Variants in TAFA5 observed in about 807,000 individuals in gnomAD.
TAFA5 encodes TAFA chemokine like family member 5, also known as chemokine-like protein TAFA-5.
In TAFA5, 6 loss-of-function variants were observed where a neutral mutation model predicts 15.3. The observed-to-expected ratio is 0.39, with a 90% CI of 0.21 to 0.77. The LOEUF is 0.77. Ranked by LOEUF, TAFA5 falls within the 30% of genes least tolerant of loss-of-function variation. TAFA5 has a pLI of 0.41. For synonymous variants in TAFA5, 103 were observed against 80.7 expected (o/e 1.28, Z -1.48); for missense variants, 161 against 193.1 (o/e 0.83, Z 0.98).
At chr22:48,710,289 A>G (rs999126682) in intron 3 of TAFA5, among the ~76,000 whole-genome samples, 1 of 151,980 alleles carries the variant, frequency 6.6e-6, no homozygotes, top group African/African-American at 2.4e-5. Context: ...CCTGTCCCCA[A>G]CCTGTCAGGC....
intron 2 of TAFA5, among the ~76,000 whole-genome samples, chr22:48,687,588 C>A (rs1001918818): frequency 4.5e-4 from 68 of 152,216 alleles, no homozygotes; most frequent in Middle Eastern, 3.4e-3. Context: ...GAGTTCTCAG[C>A]CTCCGTGTTA....
chr22:48,652,026 C>G (rs909892484), intron 2 of TAFA5, among the ~76,000 whole-genome samples: 6 of 152,200 alleles, frequency 3.9e-5, no homozygotes, highest in Non-Finnish European at 7.3e-5. Flanking sequence ...CCTAGCTGCT[C>G]ATGATGCCCT....
At chr22:48,503,746 T>A (rs1195970252) in intron 1 of TAFA5, among the ~76,000 whole-genome samples, 1 of 152,342 alleles carries the variant, frequency 6.6e-6, no homozygotes, top group East Asian at 1.9e-4. Flanking sequence ...AAAGAAAGTG[T>A]TTTCGAACAC....
intron 1 of TAFA5, among the ~76,000 whole-genome samples, chr22:48,597,445 G>A (rs1411894662): frequency 2.9e-5 from 4 of 137,118 alleles, no homozygotes; most frequent in Non-Finnish European, 6.2e-5. Flanking sequence ...TGTCCTGGGA[G>A]CCACCTGCCA....
chr22:48,562,623 C>T (rs547242016), intron 1 of TAFA5, among the ~76,000 whole-genome samples: 1 of 152,280 alleles, frequency 6.6e-6, no homozygotes, highest in East Asian at 1.9e-4. Context: ...CCCCGGGGCC[C>T]GGTCACAGCC....
chr22:48,712,899 G>A (rs1929295989), intron 3 of TAFA5, among the ~76,000 whole-genome samples: 1 of 152,262 alleles, frequency 6.6e-6, no homozygotes, highest in South Asian at 2.1e-4. Flanking sequence ...GAGGGGAGCA[G>A]GCCAGGCCCA....
rs1435275225 is a variant in TAFA5 at position 48,706,859 on chromosome 22, C to T, written c.263-858C>T. Reference sequence around the variant, plus strand: ...ATGTTAATACAATCAGCTTTTACTCCGCCATGAAGTCCTTCTCGTGCTTTC... The same window carrying T: ...ATGTTAATACAATCAGCTTTTACTCTGCCATGAAGTCCTTCTCGTGCTTTC... On this transcript the variant is annotated intron_variant, in intron 2 of 3. Transcript: ENST00000402357. Among the ~76,000 whole-genome samples, 7 of 152,244 alleles carry T rather than the reference C, an allele frequency of 4.6e-5. No individual in the cohort carries two copies. In the South Asian group the frequency reaches 6.2e-4, roughly 13 times the overall value.
chr22:48,641,353 T>C (rs1926669160), intron 1 of TAFA5, among the ~76,000 whole-genome samples: 1 of 152,032 alleles, frequency 6.6e-6, no homozygotes, highest in Non-Finnish European at 1.5e-5. Flanking sequence ...AAGTCAAATT[T>C]GGGGATGTGT....
chr22:48,564,858 G>A (rs879378887), intron 1 of TAFA5, among the ~76,000 whole-genome samples: 3 of 152,220 alleles, frequency 2.0e-5, no homozygotes, highest in Non-Finnish European at 4.4e-5. Context: ...CCCATGGTGG[G>A]TGCCTTCGGT....
intron 1 of TAFA5, among the ~76,000 whole-genome samples, chr22:48,570,972 C>T (rs561400321): frequency 2.0e-5 from 3 of 152,164 alleles, no homozygotes; most frequent in Non-Finnish European, 2.9e-5. Flanking sequence ...GTCAAATGTG[C>T]TAAATTTTCC....
intron 1 of TAFA5, among the ~76,000 whole-genome samples, chr22:48,537,416 A>T (rs1487998068): frequency 1.3e-5 from 2 of 152,016 alleles, no homozygotes; most frequent in African/African-American, 4.8e-5. Flanking sequence ...CAGGGACAAA[A>T]CCCCAGGGCA....
In TAFA5 at chr22:48,530,155, G is replaced by T. The variant is rs75091963; in HGVS notation, c.112+40451G>T. Among the ~76,000 whole-genome samples the T allele has an allele frequency of 0.084, 12,846 of 152,156 alleles. 705 individuals are homozygous for T. Among genetic ancestry groups the T allele is most frequent in the East Asian group, 0.25 (1,259 of 5,132 alleles). The stretch of plus-strand genomic sequence containing the variant: ...CTGTACCACCTGCTCTGTCTCCATG[G>T]CGACTCGAGGAGGAGGAGGCTGGGC... On this transcript the variant is annotated intron_variant, in intron 1 of 3. Coordinates refer to ENST00000402357, the MANE Select transcript of TAFA5 (RefSeq NM_001082967.3). The surrounding 1 kb of genome is among the most constrained non-coding windows in gnomAD (Gnocchi z 6.0).
chr22:48,655,846 T>C (rs948282618), intron 2 of TAFA5, among the ~76,000 whole-genome samples: 2 of 138,572 alleles, frequency 1.4e-5, no homozygotes, highest in Admixed American at 7.2e-5. Context: ...TTTTTTTTTT[T>C]TTTTTTTTTT....
chr22:48,579,958 C>T (rs573303664), intron 1 of TAFA5, among the ~76,000 whole-genome samples: 2 of 152,290 alleles, frequency 1.3e-5, no homozygotes, highest in African/African-American at 2.4e-5. Context: ...AACTCTATCT[C>T]GGTAAATCCT....
At chr22:48,605,354 A>G (rs1006040962) in intron 1 of TAFA5, among the ~76,000 whole-genome samples, 59 of 146,408 alleles carry the variant, frequency 4.0e-4, no homozygotes, top group African/African-American at 1.5e-3. Flanking sequence ...GGCGATGGTG[A>G]TGATGGTGGT....
chr22:48,570,649 C>A (rs1024862000), intron 1 of TAFA5, among the ~76,000 whole-genome samples: 2 of 152,204 alleles, frequency 1.3e-5, no homozygotes, highest in African/African-American at 4.8e-5. Context: ...ACACGGAGGG[C>A]CTACTTTCTC....
chr22:48,695,822 A>G (rs1928692828), intron 2 of TAFA5, among the ~76,000 whole-genome samples: 1 of 152,156 alleles, frequency 6.6e-6, no homozygotes, highest in South Asian at 2.1e-4. Context: ...CTCTGGCGTC[A>G]CCAGAGTCCT....
chr22:48,589,924 G>T (rs554863516), intron 1 of TAFA5, among the ~76,000 whole-genome samples: 1 of 152,068 alleles, frequency 6.6e-6, no homozygotes, highest in Admixed American at 6.5e-5. Context: ...TTGTTACAGC[G>T]GCCAGAGGAA....
chr22:48,497,993 G>T (rs1920935528), intron 1 of TAFA5, among the ~76,000 whole-genome samples: 2 of 64,532 alleles, frequency 3.1e-5, no homozygotes, highest in Admixed American at 2.7e-4. Flanking sequence ...GAAGAGTGGG[G>T]TGGGGCCCAC....
Sources: gnomAD v4.1 joint callset for allele counts (sites outside exome capture counted in the v4.1 genomes callset) on GRCh38, gnomAD v4.1.1 for gene constraint, Gnocchi (gnomAD v3.1) non-coding constraint, MANE v1.5 for transcripts, NCBI Gene and HGNC (gene_info 2026-07-23, HGNC 2026-07-21) for gene names.